Variants in UBXN2B observed in about 807,000 individuals in gnomAD.
UBXN2B encodes UBX domain-containing protein 2B.
Under a neutral mutation model 37.5 loss-of-function variants are expected in UBXN2B, and 19 were observed. The ratio of observed to expected loss-of-function variants is 0.51; its 90% confidence interval spans 0.35 to 0.74. The LOEUF (loss-of-function observed/expected upper bound fraction) is 0.74. Ranked by LOEUF, UBXN2B falls within the 30% of genes least tolerant of loss-of-function variation. The pLI is 0.01. For missense variants in UBXN2B, 370 were observed against 393.2 expected, an observed-to-expected ratio of 0.94 and a Z score of 0.50; for synonymous variants, 145 against 143.8, an observed-to-expected ratio of 1.01 and a Z score of -0.06.
chr8:58,411,574 C>T (rs535182060), intron 1 of UBXN2B, 105 bp downstream of exon 1: 3 of 960,780 alleles, frequency 3.1e-6, no homozygotes, highest in Non-Finnish European at 4.1e-6. Context: ...GGAGCCTTTC[C>T]CCGACCCCGT....
chr8:58,426,373 AT>A (rs373741046), intron 2 of UBXN2B: 6 of 488,928 alleles, frequency 1.2e-5, no homozygotes, highest in Non-Finnish European at 7.4e-6. Flanking sequence ...TGCCCGGCTA[AT>A]TTTTTTGTAT....
intron 7 of UBXN2B, 42 bp downstream of exon 7, chr8:58,446,110 C>T (rs1480736273): frequency 4.6e-6 from 7 of 1,534,978 alleles, no homozygotes; most frequent in Non-Finnish European, 5.2e-6. Context: ...CTGTTATATA[C>T]ACTGGATTGC....
intron 1 of UBXN2B, among the ~76,000 whole-genome samples, chr8:58,411,756 G>A (rs1156439168): frequency 3.9e-5 from 6 of 152,208 alleles, no homozygotes; most frequent in African/African-American, 1.4e-4. Flanking sequence ...CAGTTGGTCG[G>A]TTCACGGGTT....
chr8:58,426,509 A>G, intron 2 of UBXN2B: 2 of 726,264 alleles, frequency 2.8e-6, no homozygotes, highest in Non-Finnish European at 2.6e-6. Context: ...TGACCGGCCC[A>G]GTGTTCTGAA....
chr8:58,429,228 T>G (rs1203077970), intron 2 of UBXN2B, among the ~76,000 whole-genome samples: 5 of 151,584 alleles, frequency 3.3e-5, no homozygotes, highest in African/African-American at 9.7e-5. Context: ...TCCAGGGCAC[T>G]CCAGAGAGGG....
chr8:58,423,354 G>A (rs1326003850), intron 2 of UBXN2B, among the ~76,000 whole-genome samples: 1 of 152,046 alleles, frequency 6.6e-6, no homozygotes, highest in African/African-American at 2.4e-5. Context: ...CCATATGAGT[G>A]GCCACCTGCA....
chr8:58,446,091 T>A, intron 7 of UBXN2B, 23 bp downstream of exon 7: 1 of 1,592,220 alleles, frequency 6.3e-7, no homozygotes, highest in Non-Finnish European at 8.5e-7. Context: ...ACCAACAGTG[T>A]CCTGTTTGCT....
At chr8:58,428,851 T>C (rs886641761) in intron 2 of UBXN2B, among the ~76,000 whole-genome samples, 14 of 152,188 alleles carry the variant, frequency 9.2e-5, no homozygotes, top group African/African-American at 3.4e-4. Flanking sequence ...TTTATGACAG[T>C]GCAGAGCAGT....
chr8:58,418,943 A>T (rs1466828733), intron 2 of UBXN2B, among the ~76,000 whole-genome samples: 7 of 152,220 alleles, frequency 4.6e-5, no homozygotes, highest in Non-Finnish European at 1.5e-5. Context: ...AGTTCTTATC[A>T]TAAGATTACT....
At chr8:58,421,534 G>A (rs1807923995) in intron 2 of UBXN2B, among the ~76,000 whole-genome samples, 1 of 152,122 alleles carries the variant, frequency 6.6e-6, no homozygotes, top group Admixed American at 6.5e-5. Context: ...CAAATACCAT[G>A]TATTTGTCAT....
intron 6 of UBXN2B, among the ~76,000 whole-genome samples, chr8:58,443,513 A>G (rs1003331708): frequency 6.6e-6 from 1 of 151,794 alleles, no homozygotes; most frequent in Non-Finnish European, 1.5e-5. Flanking sequence ...CATAACTTGC[A>G]TGGGCACAGT....
chr8:58,446,534 A>G (rs1429902370), intron 7 of UBXN2B, among the ~76,000 whole-genome samples: 1 of 152,064 alleles, frequency 6.6e-6, no homozygotes, highest in African/African-American at 2.4e-5. Context: ...AGATAGTTTT[A>G]AATGTTTCTT....
intron 1 of UBXN2B, among the ~76,000 whole-genome samples, chr8:58,416,593 A>G (rs1288507784): frequency 6.6e-6 from 1 of 152,196 alleles, no homozygotes; most frequent in Non-Finnish European, 1.5e-5. Flanking sequence ...AGATTTTGAC[A>G]CTGTTCAGTA....
intron 2 of UBXN2B, among the ~76,000 whole-genome samples, chr8:58,417,155 A>G (rs912643348): frequency 6.6e-6 from 1 of 152,198 alleles, no homozygotes; most frequent in Admixed American, 6.5e-5. Flanking sequence ...ACAATCAGAA[A>G]GCCAAAAGAA....
chr8:58,444,098 A>T (rs1808615834), intron 6 of UBXN2B, among the ~76,000 whole-genome samples: 1 of 152,212 alleles, frequency 6.6e-6, no homozygotes, highest in African/African-American at 2.4e-5. Flanking sequence ...TTTGAGAAAA[A>T]GCATACCTGG....
intron 2 of UBXN2B, among the ~76,000 whole-genome samples, chr8:58,423,400 A>G (rs931473237): frequency 2.0e-5 from 3 of 151,980 alleles, no homozygotes; most frequent in African/African-American, 7.2e-5. Context: ...AGCCCAACTC[A>G]AATTGAAGAA....
intron 6 of UBXN2B, among the ~76,000 whole-genome samples, chr8:58,441,348 CATAT>C (rs33952664): frequency 0.045 from 4,697 of 104,590 alleles, 435 homozygotes; most frequent in East Asian, 0.28. Context: ...TTGTGATCAA[CATAT>C]ATATATATAT....
chr8:58,427,366 A>G (rs1529368), intron 2 of UBXN2B, among the ~76,000 whole-genome samples: 110,363 of 152,064 alleles, frequency 0.73, 40,713 homozygotes, highest in African/African-American at 0.86. Flanking sequence ...GGGAGGCTGA[A>G]GTGGCAGGAT....
intron 2 of UBXN2B, 46 bp downstream of exon 2, chr8:58,416,999 C>A: frequency 6.8e-7 from 1 of 1,460,630 alleles, no homozygotes; most frequent in South Asian, 1.4e-5. Context: ...ATAATCCTTT[C>A]TAAAAATTTA....
Sources: allele counts gnomAD v4.1 joint callset (sites outside exome capture counted in the v4.1 genomes callset), GRCh38; gene constraint gnomAD v4.1.1; transcripts MANE v1.5; gene names NCBI Gene and HGNC (gene_info 2026-07-23, HGNC 2026-07-21).